TAF12: variants seen among roughly 807,000 people sequenced by gnomAD.
TAF12 encodes the protein TATA-box binding protein associated factor 12.
Under a neutral mutation model 20.8 loss-of-function variants are expected in TAF12, and 3 were observed. That is an observed-to-expected ratio of 0.14 (90% confidence interval 0.07 to 0.37). The LOEUF (loss-of-function observed/expected upper bound fraction) is 0.37. TAF12 is among the 10% of genes least tolerant of loss of function. The pLI is 1.00. For missense variants in TAF12, 131 were observed against 197.9 expected, an observed-to-expected ratio of 0.66 and a Z score of 2.03; for synonymous variants, 69 against 70.2, an observed-to-expected ratio of 0.98 and a Z score of 0.09.
upstream of TAF12, chr1:28,646,501 T>C (rs1349477748): frequency 2.0e-5 from 3 of 152,248 alleles, no homozygotes; most frequent in African/African-American, 7.2e-5. Context: ...TAACAGTCTA[T>C]ATTTTGTGTT....
chr1:28,633,874 C>T (rs1208546404), intron 1 of TAF12, among the ~76,000 whole-genome samples: 5 of 136,646 alleles, frequency 3.7e-5, no homozygotes, highest in African/African-American at 1.4e-4. Flanking sequence ...ATTGTGCCAT[C>T]GCACTCCAGC....
At chr1:28,641,252 C>T (rs982935300) in intron 1 of TAF12, among the ~76,000 whole-genome samples, 3 of 152,034 alleles carry the variant, frequency 2.0e-5, no homozygotes, top group Middle Eastern at 3.4e-3. Context: ...GAGGCTGAGG[C>T]GGGCGGATCA....
chr1:28,637,289 G>A (rs184366466), intron 1 of TAF12, among the ~76,000 whole-genome samples: 233 of 151,898 alleles, frequency 1.5e-3, no homozygotes, highest in African/African-American at 5.3e-3. Flanking sequence ...ACCCAGGCTC[G>A]AGCGCAGTGG....
chr1:28,639,105 T>C (rs1225544560), intron 1 of TAF12, among the ~76,000 whole-genome samples: 1 of 151,578 alleles, frequency 6.6e-6, no homozygotes, highest in Non-Finnish European at 1.5e-5. Flanking sequence ...GACAGAATCT[T>C]GCTCTATTGC....
chr1:28,626,674 C>G (rs750539245), intron 1 of TAF12, among the ~76,000 whole-genome samples: 1 of 151,696 alleles, frequency 6.6e-6, no homozygotes, highest in African/African-American at 2.4e-5. Context: ...TTTGGGAGAC[C>G]GAGGCAGGCA....
At chr1:28,612,416 C>G (rs911500946) in intron 4 of TAF12, among the ~76,000 whole-genome samples, 1 of 149,472 alleles carries the variant, frequency 6.7e-6, no homozygotes, top group Non-Finnish European at 1.5e-5. Flanking sequence ...GCACTCTAAC[C>G]TGGGTGACAG....
chr1:28,608,198 A>T (rs1264079368), intron 4 of TAF12, among the ~76,000 whole-genome samples: 1 of 142,706 alleles, frequency 7.0e-6, no homozygotes, highest in Non-Finnish European at 1.5e-5. Context: ...AAAAAAAAAT[A>T]GCCGGGTGTG....
At chr1:28,644,720 CACTT>C (rs1668140360), upstream of TAF12, among the ~76,000 whole-genome samples, 1 of 152,218 alleles carries the variant, frequency 6.6e-6, no homozygotes, top group Admixed American at 6.5e-5. Context: ...GTAAGGAAAA[CACTT>C]ACTCAAGGAC....
intron 1 of TAF12, among the ~76,000 whole-genome samples, chr1:28,631,759 A>G (rs1667638062): frequency 6.6e-6 from 1 of 152,206 alleles, no homozygotes; most frequent in South Asian, 2.1e-4. Flanking sequence ...GCTCAATATC[A>G]TTTGTCACCA....
upstream of TAF12, among the ~76,000 whole-genome samples, chr1:28,647,296 T>A (rs1181595132): frequency 6.6e-6 from 1 of 152,120 alleles, no homozygotes; most frequent in Non-Finnish European, 1.5e-5. Flanking sequence ...TGTTTTTTTT[T>A]TATTTTCTTG....
chr1:28,615,366 C>T (rs1193870149), intron 3 of TAF12, among the ~76,000 whole-genome samples: 2 of 151,866 alleles, frequency 1.3e-5, no homozygotes, highest in African/African-American at 2.4e-5. Flanking sequence ...CTGTCCCTCC[C>T]TAATCCCATT....
At chr1:28,635,208 C>A (rs1221717945) in intron 1 of TAF12, among the ~76,000 whole-genome samples, 1 of 145,534 alleles carries the variant, frequency 6.9e-6, no homozygotes, top group Non-Finnish European at 1.5e-5. Flanking sequence ...CCAGCCTGGG[C>A]GACAGAGCAA....
At chr1:28,642,488 T>C (rs562937491) in intron 1 of TAF12, among the ~76,000 whole-genome samples, 1 of 152,194 alleles carries the variant, frequency 6.6e-6, no homozygotes, top group East Asian at 1.9e-4. Flanking sequence ...AGCCCCAGTC[T>C]TCACTGCCCG....
intron 2 of TAF12, 72 bp downstream of exon 2, chr1:28,621,842 C>A (rs1259612341): frequency 1.3e-6 from 2 of 1,554,960 alleles, no homozygotes; most frequent in Non-Finnish European, 1.7e-6. Flanking sequence ...AGATGGACAT[C>A]TCTTAAAGTA....
At chr1:28,608,175 C>CAAAAAAAAA (rs58747974) in intron 4 of TAF12, among the ~76,000 whole-genome samples, 297 of 60,840 alleles carry the variant, frequency 4.9e-3, no homozygotes, top group Non-Finnish European at 5.8e-3. Flanking sequence ...ACTAAAAATA[C>CAAAAAAAAA]AAAAAAAAAA....
intron 1 of TAF12, among the ~76,000 whole-genome samples, chr1:28,624,984 G>A (rs1667335564): frequency 6.6e-6 from 1 of 152,046 alleles, no homozygotes. Context: ...AGAAGAGTCA[G>A]GATAGAAACC....
At chr1:28,623,990 T>C (rs1269470255) in intron 1 of TAF12, 11 of 985,710 alleles carry the variant, frequency 1.1e-5, no homozygotes, top group African/African-American at 1.7e-5. Context: ...GCAACAGCTG[T>C]GAGCCCGGTG....
chr1:28,633,078 C>T (rs572019032), intron 1 of TAF12, among the ~76,000 whole-genome samples: 1 of 151,302 alleles, frequency 6.6e-6, no homozygotes, highest in South Asian at 2.1e-4. Flanking sequence ...TTAGACTGGT[C>T]GCGAACTCCT....
intron 1 of TAF12, among the ~76,000 whole-genome samples, chr1:28,631,039 C>T (rs1222251259): frequency 4.5e-5 from 6 of 132,152 alleles, no homozygotes; most frequent in Admixed American, 1.6e-4. Flanking sequence ...AGTGAGACTC[C>T]GTCTCCAAAA....
Sources: gnomAD v4.1 joint callset for allele counts (sites outside exome capture counted in the v4.1 genomes callset) on GRCh38, gnomAD v4.1.1 for gene constraint, MANE v1.5 for transcripts, NCBI Gene and HGNC (gene_info 2026-07-23, HGNC 2026-07-21) for gene names.